The following KLHL29 variants were observed in gnomAD, a reference collection of about 807,000 sequenced individuals.
The protein encoded by KLHL29 is kelch like family member 29, also known as kelch-like protein 29.
Under a neutral mutation model 80.4 loss-of-function variants are expected in KLHL29, and 21 were observed. The observed-to-expected ratio is 0.26, with a 90% CI of 0.19 to 0.38. KLHL29 has a LOEUF of 0.38. KLHL29 is among the 10% of genes least tolerant of loss of function. The pLI is 1.00. For missense variants in KLHL29, 867 were observed against 1,223.9 expected, an observed-to-expected ratio of 0.71 and a Z score of 4.35; for synonymous variants, 511 against 526.8, an observed-to-expected ratio of 0.97 and a Z score of 0.41.
chr2:23,545,330 C>G (rs547208379), intron 2 of KLHL29, among the ~76,000 whole-genome samples: 2 of 152,214 alleles, frequency 1.3e-5, no homozygotes, highest in South Asian at 4.1e-4. Context: ...AGCAAGCCAC[C>G]GCATCACTGA....
At chr2:23,547,411 G>A (rs1240191821) in intron 2 of KLHL29, among the ~76,000 whole-genome samples, 3 of 152,114 alleles carry the variant, frequency 2.0e-5, no homozygotes, top group Non-Finnish European at 4.4e-5. Context: ...GATTGACCTA[G>A]CCATTTACTA....
At chr2:23,658,935 C>G (rs1374856554) in intron 5 of KLHL29, among the ~76,000 whole-genome samples, 7 of 152,186 alleles carry the variant, frequency 4.6e-5, no homozygotes, top group Non-Finnish European at 1.0e-4. Flanking sequence ...CCAGCCTCAG[C>G]GTGGAAGAGT....
intron 1 of KLHL29, among the ~76,000 whole-genome samples, chr2:23,436,280 T>TTGTG (rs57931176): frequency 0.054 from 7,364 of 136,862 alleles, 247 homozygotes; most frequent in Admixed American, 0.081. Flanking sequence ...CCAATCAGCT[T>TTGTG]TGTGTGTGTG....
intron 2 of KLHL29, among the ~76,000 whole-genome samples, chr2:23,476,319 GTAT>G (rs1348089874): frequency 2.0e-5 from 3 of 151,878 alleles, no homozygotes; most frequent in African/African-American, 2.4e-5. Context: ...GTATTAAAAT[GTAT>G]TATTAAATAT....
chr2:23,389,553 G>A (rs1189501712), intron 1 of KLHL29, among the ~76,000 whole-genome samples: 1 of 152,142 alleles, frequency 6.6e-6, no homozygotes. Context: ...ATAAACCAAG[G>A]CAGTTACTGT....
intron 2 of KLHL29, among the ~76,000 whole-genome samples, chr2:23,551,977 T>A (rs1428517631): frequency 6.6e-6 from 1 of 152,208 alleles, no homozygotes; most frequent in Admixed American, 6.5e-5. Context: ...AATGCGAAGG[T>A]CAGTGCTGGA....
At chr2:23,479,859 A>G (rs1353027879) in intron 2 of KLHL29, among the ~76,000 whole-genome samples, 1 of 152,154 alleles carries the variant, frequency 6.6e-6, no homozygotes, top group African/African-American at 2.4e-5. Context: ...TTTTCTCTAC[A>G]AGCCCGGCAC....
chr2:23,440,965 C>T (rs1663500070), intron 1 of KLHL29, among the ~76,000 whole-genome samples: 1 of 152,166 alleles, frequency 6.6e-6, no homozygotes, highest in Admixed American at 6.5e-5. Flanking sequence ...TTGACCCAGC[C>T]ATCCCATTAC....
intron 3 of KLHL29, among the ~76,000 whole-genome samples, chr2:23,591,791 G>A (rs186236448): frequency 1.8e-3 from 267 of 152,232 alleles, no homozygotes; most frequent in Admixed American, 5.0e-3. Context: ...TCCTCGTCGC[G>A]TTCCAACCTC....
At chr2:23,705,366 C>T (rs1672652780) in intron 13 of KLHL29, among the ~76,000 whole-genome samples, 1 of 152,306 alleles carries the variant, frequency 6.6e-6, no homozygotes, top group South Asian at 2.1e-4. Flanking sequence ...TGGCAGGCGC[C>T]TGTAATCCCA....
intron 3 of KLHL29, among the ~76,000 whole-genome samples, chr2:23,573,575 G>A (rs534357670): frequency 2.0e-4 from 30 of 152,274 alleles, no homozygotes; most frequent in Non-Finnish European, 3.2e-4. Context: ...CGACACGACC[G>A]GAAGGTGCAG....
rs770159516 is a variant in KLHL29, at chr2:23,646,177, G to T, written c.940+3327G>T. On this transcript the variant is annotated intron_variant, in intron 5 of 13. Coordinates refer to ENST00000486442, the MANE Select transcript of KLHL29 (RefSeq NM_052920.2). ...AAGTACCTAAGACATTTGTCTCGTTGTTGGATTGGAACCACCGAGCTAACA... is the reference window on the plus strand; with the variant it reads ...AAGTACCTAAGACATTTGTCTCGTTTTTGGATTGGAACCACCGAGCTAACA... Among the ~76,000 whole-genome samples the T allele has an allele frequency of 2.6e-5, 4 of 151,996 alleles. 1 individual carries two copies. The highest frequency in any genetic ancestry group is 2.6e-4 in the Admixed American group (4 of 15,274).
At chr2:23,442,293 G>C (rs984149337) in intron 1 of KLHL29, among the ~76,000 whole-genome samples, 7 of 152,160 alleles carry the variant, frequency 4.6e-5, no homozygotes, top group Admixed American at 2.0e-4. Flanking sequence ...GGGTCTCCCT[G>C]TGTTGCCCCA....
chr2:23,412,571 T>A (rs1666890823), intron 1 of KLHL29, among the ~76,000 whole-genome samples: 1 of 152,082 alleles, frequency 6.6e-6, no homozygotes, highest in South Asian at 2.1e-4. Flanking sequence ...GACCACTACC[T>A]TGAGGGAAGG....
intron 3 of KLHL29, among the ~76,000 whole-genome samples, chr2:23,616,159 G>A (rs1247439266): frequency 1.3e-5 from 2 of 152,164 alleles, no homozygotes; most frequent in African/African-American, 2.4e-5. Context: ...GCCTGACCAT[G>A]AGGTTACACC....
rs1203070858 is a variant in KLHL29, at chr2:23,562,233, C to T, written c.37C>T (p.Arg13Trp). 27 of 1,550,536 alleles carry T rather than the reference C, an allele frequency of 1.7e-5. No homozygotes were observed. The highest frequency in any genetic ancestry group is 1.7e-4 in the East Asian group (7 of 40,926). ...RHHSRFERDY[R>W]VGWDRREWSV... ...CCATAGCCGCTTCGAAAGAGATTAC[C>T]GGGTGGGCTGGGACCGCCGCGAATG... Residue 13 changes from arginine to tryptophan, a missense_variant, in exon 3 of 14, where the codon CGG becomes TGG. By Grantham distance (101) the Arg-to-Trp change is moderately radical. This residue lies in a region of KLHL29 where 424 missense variants were observed against 456.9 expected (regional missense o/e 0.93). Transcript: ENST00000486442. The surrounding 1 kb of genome is among the most constrained non-coding windows in gnomAD (Gnocchi z 4.5).
intron 1 of KLHL29, among the ~76,000 whole-genome samples, chr2:23,465,594 G>C (rs1299403225): frequency 1.3e-5 from 2 of 152,196 alleles, no homozygotes; most frequent in Non-Finnish European, 2.9e-5. Context: ...CATGGCAAAA[G>C]CGTCCTCAGT....
chr2:23,670,922 CTCTCTCTCT>C (rs1670708774), intron 5 of KLHL29, among the ~76,000 whole-genome samples: 1 of 2,334 alleles, frequency 4.3e-4, no homozygotes, highest in African/African-American at 1.5e-3. Context: ...CACGCGCTCT[CTCTCTCTCT>C]CTCTCTCTCT....
intron 3 of KLHL29, among the ~76,000 whole-genome samples, chr2:23,624,238 C>A (rs1321942617): frequency 6.6e-6 from 1 of 152,140 alleles, no homozygotes; most frequent in Non-Finnish European, 1.5e-5. Context: ...CCTGCCTACC[C>A]CACCCAGCCC....
Sources: allele counts gnomAD v4.1 joint callset (sites outside exome capture counted in the v4.1 genomes callset), GRCh38; gene constraint gnomAD v4.1.1; regional missense constraint gnomAD v4.1.1; non-coding constraint Gnocchi (gnomAD v3.1); transcripts MANE v1.5; gene names NCBI Gene and HGNC (gene_info 2026-07-23, HGNC 2026-07-21).